SGCZ: variants seen among roughly 807,000 people sequenced by gnomAD.
The protein encoded by SGCZ is sarcoglycan zeta.
A neutral mutation model predicts 41.3 loss-of-function variants in SGCZ; 40 were observed. That is an observed-to-expected ratio of 0.97 (90% CI 0.75 to 1.26). The LOEUF is 1.26. Among genes scored for constraint, SGCZ ranks in the 50% most tolerant of loss-of-function variants. SGCZ has a pLI of 0.00. For missense variants in SGCZ, 552 were observed against 369.8 expected, an observed-to-expected ratio of 1.49 and a Z score of -4.04; for synonymous variants, 206 against 137.5, an observed-to-expected ratio of 1.50 and a Z score of -3.49.
At chr8:14,396,550 C>A (rs984032680) in intron 2 of SGCZ, among the ~76,000 whole-genome samples, 1 of 151,870 alleles carries the variant, frequency 6.6e-6, no homozygotes, top group African/African-American at 2.4e-5. Context: ...AACATGTAAA[C>A]TTTCTCTTTA....
intron 1 of SGCZ, among the ~76,000 whole-genome samples, chr8:14,770,174 T>G (rs1800188891): frequency 6.6e-6 from 1 of 150,890 alleles, no homozygotes; most frequent in Non-Finnish European, 1.5e-5. Context: ...ATTCACGTAA[T>G]TGTTTTTGAG....
rs530998670 is a variant in SGCZ at position 14,662,910 on chromosome 8, C to A, written c.40-107984G>T. On this transcript the variant is annotated intron_variant, in intron 1 of 7. Transcript: ENST00000382080. ...GTCATGAGCCAAGGGATGTGACAGT[C>A]TCTAGAAGATAGAAATGGGTTTCAG... Among the ~76,000 whole-genome samples, 5 of 152,176 alleles carry A rather than the reference C, an allele frequency of 3.3e-5. No individual in the cohort carries two copies. The East Asian group carries it at 7.7e-4, about 24-fold the overall frequency.
At chr8:14,822,636 A>T (rs1218395653) in intron 1 of SGCZ, among the ~76,000 whole-genome samples, 1 of 152,150 alleles carries the variant, frequency 6.6e-6, no homozygotes, top group African/African-American at 2.4e-5. Flanking sequence ...CAGATATGTA[A>T]ACCAACAGAA....
intron 1 of SGCZ, among the ~76,000 whole-genome samples, chr8:14,678,943 C>T (rs1167563472): frequency 6.6e-6 from 1 of 152,144 alleles, no homozygotes; most frequent in African/African-American, 2.4e-5. Flanking sequence ...AGCCTACATA[C>T]TGTAAGATTC....
In SGCZ at chr8:14,326,111, C is replaced by CAAAAA. The variant is rs56152915; in HGVS notation, c.235-1912_235-1908dup. Among the ~76,000 whole-genome samples, 37 of 37,902 alleles carry CAAAAA rather than the reference C, an allele frequency of 9.8e-4. 5 individuals carry two copies. The highest frequency in any genetic ancestry group is 3.4e-3 in the African/African-American group (33 of 9,752). The allele number at this position is 37,902 out of a possible 152,430, so 24.9% of individuals were successfully genotyped here. A position where few individuals can be genotyped will look rare whatever the true frequency, so the allele number is the denominator to read the frequency against. ...TGGGCGAAAGAGTGAGACTCCGTCT[C>CAAAAA]AAAAAAAAAAAAAAAAAAAGATGAG... On this transcript the variant is annotated intron_variant, in intron 2 of 7. Transcript: ENST00000382080.
intron 2 of SGCZ, among the ~76,000 whole-genome samples, chr8:14,504,106 AT>A: frequency 1.3e-5 from 2 of 152,086 alleles, no homozygotes. Context: ...TCTCAATTAT[AT>A]TTTTATTTCA....
Position 14,090,486 on chromosome 8 carries a change from C to A in SGCZ, c.896G>T (p.Gly299Val), listed in dbSNP as rs778589933. 1.2e-6 allele frequency: 2 copies of A among 1,612,868 alleles called. No homozygotes were observed. Among genetic ancestry groups the A allele is most frequent in the South Asian group, 1.1e-5 (1 of 91,050 alleles). ...GKLYLSPAGV[G>V]STCQSSSNIC... ...GTTGCTACTGGACTGACAAGTGGAACCTACTCCTGCTGGAGAAAGGTAAAG... is the reference window on the plus strand; with the variant it reads ...GTTGCTACTGGACTGACAAGTGGAAACTACTCCTGCTGGAGAAAGGTAAAG... Residue 299 changes from glycine to valine, a missense_variant, in exon 8 of 8, where the codon GGT becomes GTT. Transcript: ENST00000382080.
chr8:14,601,847 G>A (rs1235601754), intron 1 of SGCZ, among the ~76,000 whole-genome samples: 5 of 152,104 alleles, frequency 3.3e-5, no homozygotes, highest in Non-Finnish European at 5.9e-5. Context: ...GGTGCCGGGC[G>A]CGGTGGCTCA....
intron 2 of SGCZ, among the ~76,000 whole-genome samples, chr8:14,466,701 T>C (rs1801060206): frequency 1.3e-5 from 2 of 151,942 alleles, no homozygotes; most frequent in Non-Finnish European, 2.9e-5. Flanking sequence ...TCTTCTAGTT[T>C]GTGGAATTTT....
At chr8:15,003,904 A>G (rs757112417) in intron 1 of SGCZ, among the ~76,000 whole-genome samples, 7 of 152,192 alleles carry the variant, frequency 4.6e-5, no homozygotes, top group Non-Finnish European at 8.8e-5. Flanking sequence ...AGTCCTTTAC[A>G]ACAACGCAGT....
At chr8:14,230,828 G>A (rs2117148134) in intron 4 of SGCZ, among the ~76,000 whole-genome samples, 1 of 149,690 alleles carries the variant, frequency 6.7e-6, no homozygotes, top group East Asian at 2.0e-4. Flanking sequence ...AACATGTTTT[G>A]TGTTTGATAT....
At chr8:14,161,566 C>T (rs185235882) in intron 5 of SGCZ, among the ~76,000 whole-genome samples, 72 of 152,258 alleles carry the variant, frequency 4.7e-4, no homozygotes, top group African/African-American at 1.7e-3. Context: ...GGTTAAAGGT[C>T]AACATTGTTT....
chr8:14,237,567 G>C, intron 4 of SGCZ, 25 bp downstream of exon 4: 1 of 1,601,468 alleles, frequency 6.2e-7, no homozygotes, highest in South Asian at 1.1e-5. Flanking sequence ...CACAGTAGGA[G>C]CAATCTTTAC....
intron 1 of SGCZ, among the ~76,000 whole-genome samples, chr8:14,663,487 G>T (rs1807818420): frequency 6.6e-6 from 1 of 152,022 alleles, no homozygotes; most frequent in African/African-American, 2.4e-5. Context: ...TTTACTGGCT[G>T]TGATTTTCAG....
At chr8:15,018,991 G>C (rs1050622308) in intron 1 of SGCZ, among the ~76,000 whole-genome samples, 4 of 152,172 alleles carry the variant, frequency 2.6e-5, no homozygotes, top group African/African-American at 9.7e-5. Context: ...CAGGAGAGGA[G>C]ATCAAAGCAG....
chr8:14,520,490 G>A (rs1802756207), intron 2 of SGCZ, among the ~76,000 whole-genome samples: 1 of 152,042 alleles, frequency 6.6e-6, no homozygotes, highest in Non-Finnish European at 1.5e-5. Context: ...GCTGGCTTTA[G>A]GACCCCAAAT....
chr8:14,610,790 G>A (rs1005541387), intron 1 of SGCZ, among the ~76,000 whole-genome samples: 2 of 152,166 alleles, frequency 1.3e-5, no homozygotes, highest in South Asian at 2.1e-4. Context: ...GGAATTAATA[G>A]GATAGTTGAG....
At chr8:14,707,231 T>C (rs1413983575) in intron 1 of SGCZ, among the ~76,000 whole-genome samples, 2 of 132,288 alleles carry the variant, frequency 1.5e-5, no homozygotes, top group African/African-American at 5.5e-5. Context: ...CCCCTTCCTG[T>C]GTCCATGTGT....
intron 4 of SGCZ, among the ~76,000 whole-genome samples, chr8:14,176,025 AATGT>A (rs1273882381): frequency 6.6e-6 from 1 of 152,176 alleles, no homozygotes; most frequent in Non-Finnish European, 1.5e-5. Flanking sequence ...CATCATTATG[AATGT>A]ATGATTTTCA....
Sources: gnomAD v4.1 joint callset for allele counts (sites outside exome capture counted in the v4.1 genomes callset) on GRCh38, gnomAD v4.1.1 for gene constraint, MANE v1.5 for transcripts, NCBI Gene and HGNC (gene_info 2026-07-23, HGNC 2026-07-21) for gene names.